Variants in ZFHX3 observed in about 807,000 individuals in gnomAD.
The protein encoded by ZFHX3 is zinc finger homeobox 3.
Under a neutral mutation model 279.1 loss-of-function variants are expected in ZFHX3, and 42 were observed. That is an observed-to-expected ratio of 0.15 (90% confidence interval 0.12 to 0.19). The LOEUF is 0.19. ZFHX3 is among the 10% of genes least tolerant of loss of function. The pLI is 1.00. For missense variants in ZFHX3, 4,981 were observed against 4,754.0 expected, an observed-to-expected ratio of 1.05 and a Z score of -1.40; for synonymous variants, 2,293 against 1,957.8, an observed-to-expected ratio of 1.17 and a Z score of -4.52.
chr16:73,443,347 A>G (rs1447107536), intron 3 of ZFHX3, among the ~76,000 whole-genome samples: 1 of 152,224 alleles, frequency 6.6e-6, no homozygotes, highest in Non-Finnish European at 1.5e-5. Flanking sequence ...AAAAATAGAC[A>G]ATTCCCACTC....
At chr16:73,055,692 G>GCACACACACA (rs1232763125) in intron 1 of ZFHX3, among the ~76,000 whole-genome samples, 207 of 95,288 alleles carry the variant, frequency 2.2e-3, no homozygotes, top group African/African-American at 3.4e-3. Context: ...GCGCGCGCGC[G>GCACACACACA]CGCGCGCACA....
chr16:72,868,671 T>C (rs2038082332), intron 4 of ZFHX3, among the ~76,000 whole-genome samples: 1 of 152,206 alleles, frequency 6.6e-6, no homozygotes, highest in Non-Finnish European at 1.5e-5. Context: ...GATCTTCAGT[T>C]TTCAGGGTCC....
chr16:73,310,348 G>C (rs1235090919), intron 4 of ZFHX3, among the ~76,000 whole-genome samples: 1 of 152,158 alleles, frequency 6.6e-6, no homozygotes, highest in Non-Finnish European at 1.5e-5. Flanking sequence ...ATAAGAAAAA[G>C]TGACCAATTT....
intron 7 of ZFHX3, chr16:72,807,096 A>C (rs1322862730): frequency 6.6e-6 from 1 of 152,084 alleles, no homozygotes; most frequent in Non-Finnish European, 1.5e-5. Flanking sequence ...CATGCCTTCC[A>C]CCCTTCTTTC....
chr16:73,371,970 C>T lies in ZFHX3; in HGVS notation c.-1290-53634G>A, dbSNP rs193086212. On this transcript the variant is annotated intron_variant, in intron 3 of 17. Transcript: ENST00000641206. ...TTTTCAAGCCTAAACATCAGTGCTG[C>T]GTTCACATGCACATGTCACGCGAAT... Among the ~76,000 whole-genome samples the T allele has an allele frequency of 3.0e-4, 45 of 152,374 alleles. No homozygotes were observed. The East Asian group carries it at 7.3e-3, about 25-fold the overall frequency.
At chr16:72,924,127 G>A (rs1237378388) in intron 3 of ZFHX3, among the ~76,000 whole-genome samples, 1 of 152,058 alleles carries the variant, frequency 6.6e-6, no homozygotes, top group Non-Finnish European at 1.5e-5. Context: ...CTCACATTTT[G>A]TCTTTCAGAG....
chr16:73,667,541 G>A (rs1406490365), intron 2 of ZFHX3, among the ~76,000 whole-genome samples: 4 of 152,168 alleles, frequency 2.6e-5, no homozygotes, highest in South Asian at 2.1e-4. Context: ...CCACCAGCAT[G>A]TATGACAGTT....
intron 1 of ZFHX3, among the ~76,000 whole-genome samples, chr16:73,036,634 CG>C (rs951989962): frequency 4.0e-5 from 6 of 150,754 alleles, no homozygotes; most frequent in African/African-American, 1.5e-4. Flanking sequence ...GGAGAGGGGC[CG>C]GCAGGAGAGA....
intron 3 of ZFHX3, among the ~76,000 whole-genome samples, chr16:73,363,253 G>A (rs1350062871): frequency 6.6e-6 from 1 of 152,220 alleles, no homozygotes; most frequent in Non-Finnish European, 1.5e-5. Flanking sequence ...TCAAACTGCT[G>A]ACCCACAGAA....
At chr16:73,264,290 C>G (rs1304651728) in intron 4 of ZFHX3, among the ~76,000 whole-genome samples, 1 of 152,146 alleles carries the variant, frequency 6.6e-6, no homozygotes, top group Non-Finnish European at 1.5e-5. Context: ...CTTTCCTGTT[C>G]CCTCAAGGTA....
At chr16:73,462,817 G>A (rs977514652) in intron 2 of ZFHX3, among the ~76,000 whole-genome samples, 13 of 151,962 alleles carry the variant, frequency 8.6e-5, no homozygotes, top group Non-Finnish European at 1.0e-4. Context: ...TTCTATTTGC[G>A]AACACTTTGT....
At chr16:73,292,900 G>C (rs1432496249) in intron 4 of ZFHX3, among the ~76,000 whole-genome samples, 1 of 152,158 alleles carries the variant, frequency 6.6e-6, no homozygotes, top group South Asian at 2.1e-4. Context: ...TTCCATAGGG[G>C]ACCTACATTT....
At chr16:73,238,367 G>A (rs1231788557) in intron 5 of ZFHX3, among the ~76,000 whole-genome samples, 1 of 151,928 alleles carries the variant, frequency 6.6e-6, no homozygotes, top group Non-Finnish European at 1.5e-5. Flanking sequence ...TACCTCCTTG[G>A]GATGGTCCAC....
intron 4 of ZFHX3, among the ~76,000 whole-genome samples, chr16:72,862,776 C>T (rs1365844861): frequency 1.3e-5 from 2 of 152,042 alleles, no homozygotes; most frequent in African/African-American, 2.4e-5. Context: ...ATCCAAATCC[C>T]GACTGCAGGG....
intron 2 of ZFHX3, among the ~76,000 whole-genome samples, chr16:73,669,000 A>G (rs377497046): frequency 6.7e-6 from 1 of 148,434 alleles, no homozygotes. Context: ...TGATCTTTGT[A>G]TTTTCTTTTG....
intron 2 of ZFHX3, chr16:73,456,283 T>C (rs1422117446): frequency 2.6e-5 from 4 of 152,348 alleles, no homozygotes; most frequent in Middle Eastern, 6.8e-3. Context: ...AATAGATTTC[T>C]CAATTTGTAA....
intron 4 of ZFHX3, among the ~76,000 whole-genome samples, chr16:72,876,509 G>C (rs937460803): frequency 1.3e-5 from 2 of 151,922 alleles, no homozygotes; most frequent in African/African-American, 4.8e-5. Context: ...TCGCCCGTTG[G>C]AAAGTTTTAT....
intron 7 of ZFHX3, among the ~76,000 whole-genome samples, chr16:73,108,140 G>A (rs935328355): frequency 6.6e-6 from 1 of 151,956 alleles, no homozygotes; most frequent in African/African-American, 2.4e-5. Context: ...CAGCCTGGGC[G>A]ACAGAGCAAG....
At chr16:73,673,252 C>T (rs539390368) in intron 2 of ZFHX3, among the ~76,000 whole-genome samples, 5 of 152,090 alleles carry the variant, frequency 3.3e-5, no homozygotes, top group Non-Finnish European at 7.4e-5. Flanking sequence ...CGGGTAGAGG[C>T]CACTGTCCCG....
Sources: allele counts gnomAD v4.1 joint callset (sites outside exome capture counted in the v4.1 genomes callset), GRCh38; gene constraint gnomAD v4.1.1; transcripts MANE v1.5; gene names NCBI Gene and HGNC (gene_info 2026-07-23, HGNC 2026-07-21).